The following SUCLG2 variants were observed in gnomAD, a reference collection of about 807,000 sequenced individuals.
The protein encoded by SUCLG2 is succinate--CoA ligase [GDP-forming] subunit beta, mitochondrial.
SUCLG2 carries 42 observed loss-of-function variants against 47.9 expected under a neutral mutation model. The observed-to-expected ratio is 0.88, with a 90% CI of 0.69 to 1.14. The LOEUF (loss-of-function observed/expected upper bound fraction) is 1.14. Ranked by LOEUF, SUCLG2 falls within the 50% of genes most tolerant of loss-of-function variation. The pLI, the probability that SUCLG2 is intolerant of heterozygous loss-of-function variation, is 0.00. For synonymous variants in SUCLG2, 195 were observed against 197.3 expected, an observed-to-expected ratio of 0.99 and a Z score of 0.10; for missense variants, 571 against 525.9, an observed-to-expected ratio of 1.09 and a Z score of -0.84.
chr3:67,375,863 G>A lies in SUCLG2; in HGVS notation c.1184-4C>T. On this transcript the variant is annotated splice_polypyrimidine_tract_variant and splice_region_variant and intron_variant, in intron 10 of 10. Transcript: ENST00000307227. Reference sequence around the variant, plus strand: ...TGGGCCTCTTGGACGTTGGTTCCTAGAAGGGGGACAGGGAACAATCACTGA... The same window carrying A: ...TGGGCCTCTTGGACGTTGGTTCCTAAAAGGGGGACAGGGAACAATCACTGA... 6.2e-7 allele frequency: 1 copy of A among 1,612,600 alleles called. No individual in the cohort carries two copies. The highest frequency in any genetic ancestry group is 8.5e-7 in the Non-Finnish European group (1 of 1,179,384).
chr3:67,539,408 C>G (rs544999759), intron 2 of SUCLG2, among the ~76,000 whole-genome samples: 88 of 152,272 alleles, frequency 5.8e-4, no homozygotes, highest in Non-Finnish European at 9.6e-4. Context: ...AGGGATGAAG[C>G]CTACTTCATC....
intron 10 of SUCLG2, among the ~76,000 whole-genome samples, chr3:67,381,382 T>C (rs2106769342): frequency 6.6e-6 from 1 of 152,286 alleles, no homozygotes; most frequent in Non-Finnish European, 1.5e-5. Flanking sequence ...ATTCACCAAG[T>C]GTCTGACATC....
rs536435108 is a variant in SUCLG2, at chr3:67,618,814, A to G, written c.85-9218T>C. Among the ~76,000 whole-genome samples the G allele has an allele frequency of 3.3e-4, 50 of 152,352 alleles. No individual in the cohort carries two copies. The South Asian group carries it at 1.0e-2, about 30-fold the overall frequency. Reference sequence around the variant, plus strand: ...ATGACGATATGGTACCTGAAAAGCCAGCGTTGAAGGGATGTAAAACTTAAT... The same window carrying G: ...ATGACGATATGGTACCTGAAAAGCCGGCGTTGAAGGGATGTAAAACTTAAT... On this transcript the variant is annotated intron_variant, in intron 1 of 10. Coordinates refer to ENST00000307227, the MANE Select transcript of SUCLG2 (RefSeq NM_003848.4).
At chr3:67,626,830 C>A (rs1481196076) in intron 1 of SUCLG2, among the ~76,000 whole-genome samples, 1 of 142,598 alleles carries the variant, frequency 7.0e-6, no homozygotes, top group Non-Finnish European at 1.5e-5. Flanking sequence ...AGAAGAATGG[C>A]GTGAACCCCG....
chr3:67,440,632 C>T (rs191704797), intron 9 of SUCLG2, among the ~76,000 whole-genome samples: 3 of 152,316 alleles, frequency 2.0e-5, no homozygotes, highest in Admixed American at 2.0e-4. Context: ...AAAAAAAGCT[C>T]ATCACCACCA....
At position 67,564,320 on chromosome 3, in the gene SUCLG2, C is replaced by G. The variant is rs567126488; in HGVS notation, c.227-35134G>C. ...CAGGGCTCACTAGCTTTCCCCCCTC[C>G]CCTCGCTATTAATAGTACTCACTCT... On this transcript the variant is annotated intron_variant, in intron 2 of 10. Coordinates refer to ENST00000307227, the MANE Select transcript of SUCLG2 (RefSeq NM_003848.4). Among the ~76,000 whole-genome samples, 258 of 152,296 alleles carry G rather than the reference C, an allele frequency of 1.7e-3. 3 individuals are homozygous for G. In the East Asian group the frequency reaches 0.035, roughly 21 times the overall value.
At chr3:67,600,386 T>C (rs1708392366) in intron 2 of SUCLG2, among the ~76,000 whole-genome samples, 1 of 152,242 alleles carries the variant, frequency 6.6e-6, no homozygotes, top group Non-Finnish European at 1.5e-5. Flanking sequence ...CTCATTTGTG[T>C]GAAATGTGTT....
At chr3:67,652,834 G>C (rs530734102) in intron 1 of SUCLG2, among the ~76,000 whole-genome samples, 4 of 152,268 alleles carry the variant, frequency 2.6e-5, no homozygotes, top group African/African-American at 9.6e-5. Context: ...GAAATGAGCT[G>C]GCTGGACTAA....
intron 2 of SUCLG2, among the ~76,000 whole-genome samples, chr3:67,565,843 T>C (rs1162918977): frequency 6.6e-6 from 1 of 152,220 alleles, no homozygotes; most frequent in African/African-American, 2.4e-5. Context: ...AATTGAACAC[T>C]ACACGGCAGC....
chr3:67,622,693 A>G (rs139429040), intron 1 of SUCLG2, among the ~76,000 whole-genome samples: 133 of 152,322 alleles, frequency 8.7e-4, no homozygotes, highest in African/African-American at 3.1e-3. Flanking sequence ...AAAAAAATCT[A>G]ATTACATTTA....
intron 2 of SUCLG2, among the ~76,000 whole-genome samples, chr3:67,571,232 A>T (rs1319792740): frequency 6.6e-6 from 1 of 152,034 alleles, no homozygotes; most frequent in Non-Finnish European, 1.5e-5. Flanking sequence ...CAACTGGGGG[A>T]TGCTACTGGC....
intron 1 of SUCLG2, among the ~76,000 whole-genome samples, chr3:67,648,566 C>T (rs1457964493): frequency 6.6e-6 from 1 of 152,142 alleles, no homozygotes; most frequent in Non-Finnish European, 1.5e-5. Context: ...GACTATAGGG[C>T]CTCTCTATGC....
intron 9 of SUCLG2, among the ~76,000 whole-genome samples, chr3:67,456,824 T>A (rs1704197433): frequency 6.6e-6 from 1 of 152,154 alleles, no homozygotes; most frequent in African/African-American, 2.4e-5. Context: ...AATGCACATA[T>A]TTGCCAGAGA....
rs538570246 is a variant in SUCLG2 at position 67,379,787 on chromosome 3, G to T, written c.1184-3928C>A. 6.6e-5 allele frequency among the ~76,000 whole-genome samples: 10 copies of T among 152,272 alleles called. No homozygotes were observed. In the South Asian group the frequency reaches 1.5e-3, roughly 22 times the overall value. ...ATCTGTTAAATGGTATTTCTTTGGG[G>T]ATATCTTTCTAATCACCACCTCCCC... is the stretch of plus-strand genomic sequence containing the variant. On this transcript the variant is annotated intron_variant, in intron 10 of 10. Transcript: ENST00000307227.
At chr3:67,381,413 G>T (rs2106769450) in intron 10 of SUCLG2, among the ~76,000 whole-genome samples, 1 of 151,520 alleles carries the variant, frequency 6.6e-6, no homozygotes, top group African/African-American at 2.4e-5. Flanking sequence ...CCCTCTCCCT[G>T]CCTTTACTTC....
chr3:67,374,451 C>T (rs868130281), downstream of SUCLG2, among the ~76,000 whole-genome samples: 14 of 152,142 alleles, frequency 9.2e-5, no homozygotes, highest in South Asian at 1.4e-3. Flanking sequence ...TCTCCCTTTG[C>T]GTTACGCAGA....
chr3:67,587,862 A>G (rs1247630716), intron 2 of SUCLG2, among the ~76,000 whole-genome samples: 1 of 152,122 alleles, frequency 6.6e-6, no homozygotes, highest in East Asian at 1.9e-4. Flanking sequence ...CTTCTACCAG[A>G]CCTTTAAACA....
In SUCLG2 at chr3:67,489,711, CAT is replaced by C. The variant is rs544942254; in HGVS notation, c.1062+6085_1062+6086del. 3.0e-3 allele frequency among the ~76,000 whole-genome samples: 453 copies of C among 152,280 alleles called. 2 individuals are homozygous for C. Among genetic ancestry groups the C allele is most frequent in the African/African-American group, 9.6e-3 (400 of 41,552 alleles). ...TGCAGATAAGGTATTTCAGCAAACA[CAT>C]GTGGTGTGTAATGAAATGGGTTTTG... On this transcript the variant is annotated intron_variant, in intron 9 of 10. Coordinates refer to ENST00000307227, the MANE Select transcript of SUCLG2 (RefSeq NM_003848.4).
At chr3:67,514,528 T>C (rs1705888403) in intron 6 of SUCLG2, among the ~76,000 whole-genome samples, 4 of 152,208 alleles carry the variant, frequency 2.6e-5, no homozygotes, top group African/African-American at 7.2e-5. Flanking sequence ...GACCATCCGA[T>C]CTTTTCATCA....
Sources: gnomAD v4.1 joint callset for allele counts (sites outside exome capture counted in the v4.1 genomes callset) on GRCh38, gnomAD v4.1.1 for gene constraint, MANE v1.5 for transcripts, NCBI Gene and HGNC (gene_info 2026-07-23, HGNC 2026-07-21) for gene names.